Variants in CNTN4 observed in about 807,000 individuals in gnomAD.
The protein encoded by CNTN4 is contactin 4, also known as contactin-4.
CNTN4 carries 77 observed loss-of-function variants against 122.5 expected under a neutral mutation model. The observed-to-expected ratio is 0.63, with a 90% CI of 0.52 to 0.76. The LOEUF (loss-of-function observed/expected upper bound fraction) is 0.76, where lower values mean the gene tolerates loss of function less well. Among genes scored for constraint, CNTN4 ranks in the 30% least tolerant of loss-of-function variants. CNTN4 has a pLI of 0.00. For synonymous variants in CNTN4, 512 were observed against 447.0 expected (o/e 1.15, Z -1.83); for missense variants, 1,256 against 1,259.1 (o/e 1.00, Z 0.04).
At chr3:2,488,460 G>T (rs1322348845) in intron 3 of CNTN4, among the ~76,000 whole-genome samples, 3 of 152,134 alleles carry the variant, frequency 2.0e-5, no homozygotes, top group Non-Finnish European at 2.9e-5. Flanking sequence ...GTTGGGGGGT[G>T]TGTGTGCCCT....
chr3:2,136,174 C>T (rs1402203933), intron 2 of CNTN4, among the ~76,000 whole-genome samples: 1 of 152,146 alleles, frequency 6.6e-6, no homozygotes, highest in Non-Finnish European at 1.5e-5. Context: ...CGTTCTTGGT[C>T]ATAATCTTGT....
chr3:2,349,400 C>T (rs950606886), intron 3 of CNTN4, among the ~76,000 whole-genome samples: 5 of 152,032 alleles, frequency 3.3e-5, no homozygotes, highest in African/African-American at 9.7e-5. Context: ...ACACAATAAC[C>T]CTTCTAATTG....
intron 2 of CNTN4, among the ~76,000 whole-genome samples, chr3:2,285,075 G>A (rs2041854030): frequency 6.6e-6 from 1 of 151,584 alleles, no homozygotes; most frequent in Admixed American, 6.6e-5. Context: ...TTTAGAATGA[G>A]GACTGCTCAG....
intron 6 of CNTN4, among the ~76,000 whole-genome samples, chr3:2,795,204 A>G (rs2092132682): frequency 6.6e-6 from 1 of 152,224 alleles, no homozygotes; most frequent in Non-Finnish European, 1.5e-5. Context: ...CTGTTTTGAA[A>G]GTATCACAGT....
chr3:3,015,251 T>A (rs1697635309), intron 14 of CNTN4, among the ~76,000 whole-genome samples: 1 of 152,038 alleles, frequency 6.6e-6, no homozygotes, highest in Non-Finnish European at 1.5e-5. Flanking sequence ...ACCTAATATC[T>A]ATTAATAGTT....
At chr3:2,971,253 T>C (rs550474747) in intron 13 of CNTN4, among the ~76,000 whole-genome samples, 18 of 152,322 alleles carry the variant, frequency 1.2e-4, no homozygotes, top group African/African-American at 4.3e-4. Flanking sequence ...TGTGTATTAG[T>C]GGACTTGCAC....
chr3:2,981,393 G>A (rs566259342), intron 13 of CNTN4, among the ~76,000 whole-genome samples: 7 of 151,950 alleles, frequency 4.6e-5, no homozygotes, highest in South Asian at 2.1e-4. Context: ...GCAGTGAGCC[G>A]AGATCGCAGC....
At chr3:2,460,014 A>G (rs1404352034) in intron 3 of CNTN4, among the ~76,000 whole-genome samples, 2 of 152,120 alleles carry the variant, frequency 1.3e-5, no homozygotes, top group Non-Finnish European at 2.9e-5. Flanking sequence ...CTGCTGGGTC[A>G]GAGTTGTTAC....
intron 7 of CNTN4, among the ~76,000 whole-genome samples, chr3:2,821,078 C>T (rs192951372): frequency 5.3e-5 from 8 of 149,940 alleles, no homozygotes; most frequent in Middle Eastern, 3.5e-3. Context: ...TCTCATGCCT[C>T]AGCCTTCCGA....
At chr3:2,789,285 A>G (rs1267325285) in intron 6 of CNTN4, among the ~76,000 whole-genome samples, 2 of 152,234 alleles carry the variant, frequency 1.3e-5, no homozygotes, top group African/African-American at 4.8e-5. Flanking sequence ...GTAATTCCTA[A>G]TCCAAGGAGC....
chr3:2,841,698 G>A lies in CNTN4; in HGVS notation c.454+22117G>A, dbSNP rs908816321. ...ATAGTCCGTAAGGAATAGAAAGGAC[G>A]AGGTTGAAAGTAGCTGTGCCTTGAA... On this transcript the variant is annotated intron_variant, in intron 7 of 24. Coordinates refer to ENST00000418658, the MANE Select transcript of CNTN4 (RefSeq NM_175607.3). This position sits in a 1 kb window ranked among gnomAD's most constrained non-coding sequence, Gnocchi z 4.8. Among the ~76,000 whole-genome samples the A allele has an allele frequency of 2.0e-5, 3 of 152,172 alleles. No homozygotes were observed. Among genetic ancestry groups the A allele is most frequent in the Admixed American group, 1.3e-4 (2 of 15,282 alleles).
At chr3:2,143,474 C>T (rs1229296051) in intron 2 of CNTN4, among the ~76,000 whole-genome samples, 1 of 152,128 alleles carries the variant, frequency 6.6e-6, no homozygotes, top group Non-Finnish European at 1.5e-5. Flanking sequence ...TTATTATTCT[C>T]CTGAGAAGGA....
chr3:2,367,594 A>G (rs13070893), intron 3 of CNTN4, among the ~76,000 whole-genome samples: 94,079 of 151,966 alleles, frequency 0.62, 29,434 homozygotes, highest in East Asian at 0.88. Flanking sequence ...GCACAATCTC[A>G]GCTCACTGCA....
At chr3:2,171,896 C>G (rs73098007) in intron 2 of CNTN4, among the ~76,000 whole-genome samples, 2,471 of 152,186 alleles carry the variant, frequency 0.016, 73 homozygotes, top group African/African-American at 0.057. Context: ...TCATCTATAC[C>G]ATTGGTCCTT....
intron 13 of CNTN4, among the ~76,000 whole-genome samples, chr3:2,955,574 C>G (rs1446348376): frequency 6.6e-6 from 1 of 152,164 alleles, no homozygotes; most frequent in Non-Finnish European, 1.5e-5. Context: ...AGCTTACTGA[C>G]TCTGATTGAG....
intron 4 of CNTN4, among the ~76,000 whole-genome samples, chr3:2,712,933 A>G (rs2087240933): frequency 6.6e-6 from 1 of 152,166 alleles, no homozygotes; most frequent in Non-Finnish European, 1.5e-5. Context: ...TGGAAGCTCC[A>G]CGCCCCTTCC....
chr3:2,819,376 C>T (rs1045599441), intron 6 of CNTN4, 110 bp from the exon 7 acceptor site: 7 of 807,180 alleles, frequency 8.7e-6, no homozygotes, highest in Non-Finnish European at 1.3e-5. Flanking sequence ...GGTATGGGTG[C>T]TACCAACGCA....
At chr3:2,154,961 A>G (rs2035655601) in intron 2 of CNTN4, among the ~76,000 whole-genome samples, 1 of 152,266 alleles carries the variant, frequency 6.6e-6, no homozygotes, top group Admixed American at 6.5e-5. Flanking sequence ...GAAAAACACC[A>G]GTGTCCTAAA....
intron 2 of CNTN4, among the ~76,000 whole-genome samples, chr3:2,268,911 A>T (rs958478842): frequency 1.3e-5 from 2 of 151,986 alleles, no homozygotes; most frequent in African/African-American, 4.8e-5. Flanking sequence ...CTTTTTATAT[A>T]TGTGGGGAGA....
Sources: allele counts gnomAD v4.1 joint callset (sites outside exome capture counted in the v4.1 genomes callset), GRCh38; gene constraint gnomAD v4.1.1; non-coding constraint Gnocchi (gnomAD v3.1); transcripts MANE v1.5; gene names NCBI Gene and HGNC (gene_info 2026-07-23, HGNC 2026-07-21).